The following EPPK1 variants were observed in gnomAD, a reference collection of about 807,000 sequenced individuals.
EPPK1 encodes the protein epiplakin 1, also known as epiplakin.
For missense variants in EPPK1, 3,823 were observed against 3,673.3 expected (o/e 1.04, Z -1.05); for synonymous variants, 1,862 against 1,721.2 (o/e 1.08, Z -2.03).
Position 143,872,609 on chromosome 8 carries a change from C to T in EPPK1, c.645G>A (p.Leu215=). 1 of 1,610,518 alleles carries T rather than the reference C, an allele frequency of 6.2e-7. No individual in the cohort carries two copies. Among genetic ancestry groups the T allele is most frequent in the South Asian group, 1.1e-5 (1 of 90,964 alleles). The change falls in exon 2 of 2, where the codon CTG becomes CTA. Residue 215 remains leucine, a synonymous_variant. Coordinates refer to ENST00000615648, the MANE Select transcript of EPPK1 (RefSeq NM_031308.4). The part of the protein sequence containing the change: ...TLERLTYHQL[L]ERCVRAPGSG... The stretch of plus-strand genomic sequence containing the variant: ...AGCCGGGGGCACGCACACACCTTTC[C>T]AGCAGCTGGTGGTATGTCAGCCGCT...
chr8:143,867,659 G>A lies in EPPK1; in HGVS notation c.5595C>T (p.Ile1865=), dbSNP rs372006372. ...GAAGTGTGTGCAGGGTCTTCTGATC[G>A]ATGACCCTGGAGTTGAACAGGTCTG... The part of the protein sequence containing the change: ...TAADLFNSRV[I]DQKTLHTLRV... The change falls in exon 2 of 2, where the codon ATC becomes ATT. Residue 1865 remains isoleucine, a synonymous_variant. Transcript: ENST00000615648. 5.3e-5 allele frequency: 86 copies of A among 1,613,296 alleles called. No individual in the cohort carries two copies. Among genetic ancestry groups the A allele is most frequent in the African/African-American group, 9.3e-5 (7 of 74,918 alleles).
chr8:143,868,995 C>T lies in EPPK1; in HGVS notation c.4259G>A (p.Arg1420His), dbSNP rs372980887. 2.0e-5 allele frequency: 32 copies of T among 1,609,988 alleles called. No individual in the cohort carries two copies. Among genetic ancestry groups the T allele is most frequent in the Middle Eastern group, 1.6e-4 (1 of 6,084 alleles). The change falls in exon 2 of 2, where the codon CGC becomes CAC. Residue 1420 changes from arginine (R) to histidine (H), a missense_variant. Arg to His is a conservative substitution (Grantham distance 29). Coordinates refer to ENST00000615648, the MANE Select transcript of EPPK1 (RefSeq NM_031308.4). ...DQVTYQQLRE[R>H]CVCDSETGLL... is the part of the protein sequence containing the mutation. Reference sequence around the variant, plus strand: ...TCCGGTCTCGGAGTCGCACACGCAGCGCTCCCTGAGCTGCTGGTAGGTCAC... The same window carrying T: ...TCCGGTCTCGGAGTCGCACACGCAGTGCTCCCTGAGCTGCTGGTAGGTCAC...
At position 143,869,000 on chromosome 8, in the gene EPPK1, CCT is replaced by C. The variant is rs1554660188; in HGVS notation, c.4252_4253del (p.Arg1418GlyfsTer23). 6.2e-7 allele frequency: 1 copy of C among 1,610,272 alleles called. No homozygotes were observed. The highest frequency in any genetic ancestry group is 1.3e-5 in the African/African-American group (1 of 74,934). On this transcript the variant is annotated frameshift_variant, in exon 2 of 2. Transcript: ENST00000615648. LOFTEE classifies it low-confidence loss of function (END_TRUNC). ...TCTCGGAGTCGCACACGCAGCGCTC[CCT>C]GAGCTGCTGGTAGGTCACCTGGTCC... The part of the protein sequence containing the change: ...ARDQVTYQQL[R>X]ERCVCDSETG...
rs1563886974 is a variant in EPPK1 at position 143,871,615 on chromosome 8, C to CCA, written c.1638_1639insTG (p.Ala547TrpfsTer18). The CCA allele has an allele frequency of 6.2e-7, 1 of 1,606,946 alleles. No homozygotes were observed. Among genetic ancestry groups the CCA allele is most frequent in the Non-Finnish European group, 8.5e-7 (1 of 1,177,768 alleles). On this transcript the variant is annotated frameshift_variant, in exon 2 of 2. Transcript: ENST00000615648. LOFTEE classifies it low-confidence loss of function (END_TRUNC). ...GTGGCTGCAGCCTGCTCGAGGGTGG[C>CCA]GCTCAGCTTAGCGGCCAGCTTCTCC...
Position 143,866,479 on chromosome 8 carries a change from C to A in EPPK1, c.6775G>T (p.Ala2259Ser), listed in dbSNP as rs1384329446. 9.8e-4 allele frequency: 1,486 copies of A among 1,514,116 alleles called. 8 individuals carry two copies. The highest frequency in any genetic ancestry group is 8.1e-4 in the Admixed American group (41 of 50,740). 93.8% of individuals were successfully genotyped at this position (1,514,116 alleles called of 1,614,324 possible). Reference protein sequence around the residue: ...MWKGVLRPGTALVLLEAQAAT... With the variant: ...MWKGVLRPGTSLVLLEAQAAT... ...GCCTGCGCCTCCAGCAGCACCAGGG[C>A]CGTGCCGGGCCGCAGCACGCCCTTC... is the stretch of plus-strand genomic sequence containing the variant. Residue 2259 changes from alanine (A) to serine (S), a missense_variant, in exon 2 of 2, where the codon GCC becomes TCC. Coordinates refer to ENST00000615648, the MANE Select transcript of EPPK1 (RefSeq NM_031308.4).
chr8:143,867,323 G>A lies in EPPK1; in HGVS notation c.5931C>T (p.Gly1977=). Residue 1977 remains glycine (G), a synonymous_variant, in exon 2 of 2, where the codon GGC becomes GGT. Transcript: ENST00000615648. ...RLLKAERAAT[G]YRDPATGDTI... is the part of the protein sequence containing the mutation. ...TGTCTCCTGTGGCCGGATCCCTGTA[G>A]CCCGTGGCAGCTCTTTCAGCCTTCA... 1.2e-6 allele frequency: 2 copies of A among 1,612,726 alleles called. No individual in the cohort carries two copies. The highest frequency in any genetic ancestry group is 1.7e-6 in the Non-Finnish European group (2 of 1,179,828).
rs1344736445 is a variant in EPPK1, at chr8:143,857,637, ACCCGATGG to A, written c.*342_*349del. On this transcript the variant is annotated 3_prime_UTR_variant, in exon 2 of 2. Transcript: ENST00000615648. ...ATAAAAATTACACTGCAACAAGAGTACCCGATGGCATGATGGACTGAGAGTCTAAAGAG... is the reference window on the plus strand; with the variant it reads ...ATAAAAATTACACTGCAACAAGAGTACATGATGGACTGAGAGTCTAAAGAG... The A allele has an allele frequency of 3.6e-6, 1 of 278,278 alleles. No homozygotes were observed. Among genetic ancestry groups the A allele is most frequent in the East Asian group, 6.4e-5 (1 of 15,524 alleles). The allele number at this position is 278,278 out of a possible 1,614,324, so 17.2% of individuals were successfully genotyped here. A position where few individuals can be genotyped will look rare whatever the true frequency, so the allele number is the denominator to read the frequency against.
chr8:143,878,370 CA>C (rs1425463348), intron 1 of EPPK1, 67 bp downstream of exon 1: 2 of 144,444 alleles, frequency 1.4e-5, no homozygotes, highest in South Asian at 1.8e-4. Context: ...GCACCCGCCG[CA>C]CCTGCCCGCA....
chr8:143,873,061 G>C lies in EPPK1; in HGVS notation c.193C>G (p.Leu65Val), dbSNP rs1162166117. ...QSVYAAMEQG[L>V]LPAGLGQALL... is the part of the protein sequence containing the mutation. ...GCCTGCCCGAGCCCAGCAGGCAGGA[G>C]GCCCTGCTCCATGGCGGCGTAGACA... The change falls in exon 2 of 2, where the codon CTC becomes GTC. Residue 65 changes from leucine (L) to valine (V), a missense_variant. Physicochemically the swap from Leu to Val is conservative, Grantham distance 32 (BLOSUM62 1). Transcript: ENST00000615648. The C allele has an allele frequency of 6.4e-7, 1 of 1,559,120 alleles. No individual in the cohort carries two copies. The highest frequency in any genetic ancestry group is 1.8e-5 in the Admixed American group (1 of 54,126).
In EPPK1 at chr8:143,857,973, C is replaced by G. The variant is rs782690280; in HGVS notation, c.*14G>C. ...TTCTCCAGAGTTGCAGAAAACTGCACGGAGGAAGCCCAGTCACTGTAGAGA... is the reference window on the plus strand; with the variant it reads ...TTCTCCAGAGTTGCAGAAAACTGCAGGGAGGAAGCCCAGTCACTGTAGAGA... On this transcript the variant is annotated 3_prime_UTR_variant, in exon 2 of 2. Coordinates refer to ENST00000615648, the MANE Select transcript of EPPK1 (RefSeq NM_031308.4). 3.3e-6 allele frequency: 5 copies of G among 1,536,452 alleles called. No homozygotes were observed. The Admixed American group carries it at 8.2e-5, about 25-fold the overall frequency.
Position 143,873,224 on chromosome 8 carries a change from G to A in EPPK1, c.30C>T (p.Pro10=), listed in dbSNP as rs376526488. The A allele has an allele frequency of 5.1e-5, 80 of 1,575,022 alleles. No individual in the cohort carries two copies. Among genetic ancestry groups the A allele is most frequent in the Non-Finnish European group, 6.5e-5 (76 of 1,166,112 alleles). The change falls in exon 2 of 2, where the codon CCC becomes CCT. Residue 10 remains proline (P), a synonymous_variant. Coordinates refer to ENST00000615648, the MANE Select transcript of EPPK1 (RefSeq NM_031308.4). MSGHTLPPL[P]VPGTNSTEQA... Reference sequence around the variant, plus strand: ...GCTCTGTGCTGTTGGTGCCTGGGACGGGAAGAGGAGGCAAGGTGTGGCCAC... The same window carrying A: ...GCTCTGTGCTGTTGGTGCCTGGGACAGGAAGAGGAGGCAAGGTGTGGCCAC...
rs1554660801 is a variant in EPPK1, at chr8:143,870,498, A to G, written c.2756T>C (p.Met919Thr). Residue 919 changes from methionine (M) to threonine (T), a missense_variant, in exon 2 of 2, where the codon ATG becomes ACG. By Grantham distance (81) the Met-to-Thr change is moderately conservative. Transcript: ENST00000615648. This position sits in a 1 kb window ranked among gnomAD's most constrained non-coding sequence, Gnocchi z 5.2. ...GTISPEALLL[M>T]DGVRRYLCGL... ...GCACAGGTACCTGCGGACGCCGTCC[A>G]TGAGTAGGAGGGCCTCCGGGCTGAT... The G allele has an allele frequency of 1.9e-6, 3 of 1,607,068 alleles. No individual in the cohort carries two copies. Among genetic ancestry groups the G allele is most frequent in the Non-Finnish European group, 8.5e-7 (1 of 1,176,862 alleles).
Position 143,872,532 on chromosome 8 carries a change from GC to G in EPPK1, c.721del (p.Ala241ArgfsTer2). ...LKITFRSMGG[A>X]VSAAELLEVG... ...CTCCAGCAGCTCAGCTGCACTCACC[GC>G]CCCGCCCATGGAGCGGAAGGTGATC... is the stretch of plus-strand genomic sequence containing the variant. On this transcript the variant is annotated frameshift_variant, in exon 2 of 2. Transcript: ENST00000615648. LOFTEE classifies it low-confidence loss of function (END_TRUNC). 6.2e-7 allele frequency: 1 copy of G among 1,602,120 alleles called. No individual in the cohort carries two copies. The highest frequency in any genetic ancestry group is 8.5e-7 in the Non-Finnish European group (1 of 1,177,486).
At position 143,867,788 on chromosome 8, in the gene EPPK1, C is replaced by T; in HGVS notation, c.5466G>A (p.Gly1822=). Residue 1822 remains glycine (G), a synonymous_variant, in exon 2 of 2, where the codon GGG becomes GGA. Coordinates refer to ENST00000615648, the MANE Select transcript of EPPK1 (RefSeq NM_031308.4). ...ELIQEYGAQS[G]GLEKLLEIIT... ...TGATTTCCAGCAATTTCTCCAGGCC[C>T]CCACTCTGGGCTCCATACTCCTGGA... The T allele has an allele frequency of 6.2e-7, 1 of 1,613,670 alleles. No homozygotes were observed. Among genetic ancestry groups the T allele is most frequent in the Non-Finnish European group, 8.5e-7 (1 of 1,179,860 alleles).
chr8:143,870,815 G>A lies in EPPK1; in HGVS notation c.2439C>T (p.Ala813=), dbSNP rs781990623. Residue 813 remains alanine (A), a synonymous_variant, in exon 2 of 2, where the codon GCC becomes GCT. Coordinates refer to ENST00000615648, the MANE Select transcript of EPPK1 (RefSeq NM_031308.4). This position sits in a 1 kb window ranked among gnomAD's most constrained non-coding sequence, Gnocchi z 5.2. ...TCACGGAGAGCAGCAGGTTCTGGAA[G>A]GCCTGCTGGGTGGCACTGTCCACCA... ...SPLVDSATQQ[A]FQNLLLSVKY... is the part of the protein sequence containing the mutation. 3.7e-6 allele frequency: 6 copies of A among 1,612,696 alleles called. No homozygotes were observed. The highest frequency in any genetic ancestry group is 1.6e-4 in the Middle Eastern group (1 of 6,084).
Position 143,866,683 on chromosome 8 carries a change from T to G in EPPK1, c.6571A>C (p.Ile2191Leu). ...ITASELLSSA[I>L]ITEEMLQDLE... Reference sequence around the variant, plus strand: ...TCCTGGAGCATTTCCTCCGTGATTATGGCTGAGCTGAGGAGTTCAGAAGCT... The same window carrying G: ...TCCTGGAGCATTTCCTCCGTGATTAGGGCTGAGCTGAGGAGTTCAGAAGCT... The change falls in exon 2 of 2, where the codon ATA becomes CTA. Residue 2191 changes from isoleucine to leucine, a missense_variant. Physicochemically the swap from Ile to Leu is conservative, Grantham distance 5. Coordinates refer to ENST00000615648, the MANE Select transcript of EPPK1 (RefSeq NM_031308.4). 6.2e-7 allele frequency: 1 copy of G among 1,613,278 alleles called. No homozygotes were observed. The highest frequency in any genetic ancestry group is 1.3e-5 in the African/African-American group (1 of 75,058).
Position 143,872,532 on chromosome 8 carries a change from G to T in EPPK1, c.722C>A (p.Ala241Glu). The T allele has an allele frequency of 6.2e-7, 1 of 1,602,120 alleles. No homozygotes were observed. Among genetic ancestry groups the T allele is most frequent in the Non-Finnish European group, 8.5e-7 (1 of 1,177,486 alleles). Residue 241 changes from alanine (A) to glutamate (E), a missense_variant, in exon 2 of 2, where the codon GCG becomes GAG. Coordinates refer to ENST00000615648, the MANE Select transcript of EPPK1 (RefSeq NM_031308.4). Reference sequence around the variant, plus strand: ...CTCCAGCAGCTCAGCTGCACTCACCGCCCCGCCCATGGAGCGGAAGGTGAT... The same window carrying T: ...CTCCAGCAGCTCAGCTGCACTCACCTCCCCGCCCATGGAGCGGAAGGTGAT... ...LKITFRSMGG[A>E]VSAAELLEVG... is the part of the protein sequence containing the mutation.
rs377464626 is a variant in EPPK1 at position 143,872,895 on chromosome 8, G to A, written c.359C>T (p.Thr120Met). ...EKLLAAERAT[T>M]GYPDPYGGEK... ...ACCGCCGTAGGGGTCAGGATAGCCC[G>A]TAGTGGCACGCTCAGCGGCCAGCAG... The change falls in exon 2 of 2, where the codon ACG becomes ATG. Residue 120 changes from threonine (T) to methionine (M), a missense_variant. Coordinates refer to ENST00000615648, the MANE Select transcript of EPPK1 (RefSeq NM_031308.4). The A allele has an allele frequency of 3.1e-5, 49 of 1,604,818 alleles. No individual in the cohort carries two copies. Among genetic ancestry groups the A allele is most frequent in the Admixed American group, 1.2e-4 (7 of 59,286 alleles).
chr8:143,867,209 AC>A lies in EPPK1; in HGVS notation c.6044del (p.Gly2015ValfsTer36). 1.2e-6 allele frequency: 2 copies of A among 1,611,162 alleles called. No homozygotes were observed. Among genetic ancestry groups the A allele is most frequent in the South Asian group, 1.1e-5 (1 of 90,978 alleles). On this transcript the variant is annotated frameshift_variant, in exon 2 of 2. Transcript: ENST00000615648. LOFTEE classifies it low-confidence loss of function (END_TRUNC). ...GGTGGTGGTGCTGTGGGTCGATGAC[AC>A]CCCCCGTGGCCACCTGCACCTCCAG... ...RLLEVQVATGGVIDPQHHHRL... is the reference protein window; with the variant it reads ...RLLEVQVATGXVIDPQHHHRL...
Sources: gnomAD v4.1 joint callset for allele counts on GRCh38, gnomAD v4.1.1 for gene constraint, Gnocchi (gnomAD v3.1) non-coding constraint, MANE v1.5 for transcripts, NCBI Gene and HGNC (gene_info 2026-07-23, HGNC 2026-07-21) for gene names.